The following PRAMEF15 variants were observed in gnomAD, a reference collection of about 807,000 sequenced individuals.
The protein encoded by PRAMEF15 is PRAME family member 15.
In PRAMEF15, 21 loss-of-function variants were observed where a neutral mutation model predicts 35.3. That is an observed-to-expected ratio of 0.59 (90% CI 0.42 to 0.86). PRAMEF15 has a LOEUF of 0.86. Ranked by LOEUF, PRAMEF15 falls within the 40% of genes least tolerant of loss-of-function variation. The pLI, the probability that PRAMEF15 is intolerant of heterozygous loss-of-function variation, is 0.00. For synonymous variants in PRAMEF15, 122 were observed against 223.3 expected, an observed-to-expected ratio of 0.55 and a Z score of 4.05; for missense variants, 360 against 574.1, an observed-to-expected ratio of 0.63 and a Z score of 3.81.
At chr1:13,317,427 A>G (rs1640020269) in intron 1 of PRAMEF15, among the ~76,000 whole-genome samples, 1 of 152,026 alleles carries the variant, frequency 6.6e-6, no homozygotes, top group African/African-American at 2.4e-5. Flanking sequence ...CTATCTTGCG[A>G]ATGATGCATA....
intron 1 of PRAMEF15, among the ~76,000 whole-genome samples, chr1:13,317,319 C>A (rs1464097439): frequency 3.2e-4 from 48 of 151,954 alleles, no homozygotes; most frequent in African/African-American, 1.1e-3. Flanking sequence ...ATCCACCTGC[C>A]TCGGCCTCAC....
chr1:13,320,632 C>A (rs1387759608), intron 3 of PRAMEF15, among the ~76,000 whole-genome samples: 3 of 151,972 alleles, frequency 2.0e-5, no homozygotes, highest in African/African-American at 7.3e-5. Context: ...CCATGTTGGC[C>A]AGGTTATTCT....
rs1313441416 is a variant in PRAMEF15 at position 13,322,428 on chromosome 1, G to C, written c.*164G>C. ...CTGATCAAGCAGGGGCCGGACTTGGGGGAAATGTTGCCATGGATTCGATGG... is the reference window on the plus strand; with the variant it reads ...CTGATCAAGCAGGGGCCGGACTTGGCGGAAATGTTGCCATGGATTCGATGG... On this transcript the variant is annotated 3_prime_UTR_variant, in exon 4 of 4. Coordinates refer to ENST00000376152, the MANE Select transcript of PRAMEF15 (RefSeq NM_001098376.3). 6 of 720,420 alleles carry C rather than the reference G, an allele frequency of 8.3e-6. No individual in the cohort carries two copies. Among genetic ancestry groups the C allele is most frequent in the Non-Finnish European group, 1.4e-5 (6 of 442,694 alleles). The allele number at this position is 720,420 out of a possible 1,614,324, so 44.6% of individuals were successfully genotyped here. A position where few individuals can be genotyped will look rare whatever the true frequency, so the allele number is the denominator to read the frequency against.
chr1:13,318,426 A>C lies in PRAMEF15; in HGVS notation c.19A>C (p.Thr7Pro). The C allele has an allele frequency of 6.2e-7, 1 of 1,612,940 alleles. No individual in the cohort carries two copies. The highest frequency in any genetic ancestry group is 8.5e-7 in the Non-Finnish European group (1 of 1,179,900). MKMSIR[T>P]PPRLLELAGR... is the part of the protein sequence containing the mutation. Reference sequence around the variant, plus strand: ...CAGATTCATGAAGATGAGCATCCGGACTCCACCCAGACTCCTGGAGCTTGC... The same window carrying C: ...CAGATTCATGAAGATGAGCATCCGGCCTCCACCCAGACTCCTGGAGCTTGC... The change falls in exon 2 of 4, where the codon ACT (threonine) becomes CCT (proline). Residue 7 changes from threonine to proline, a missense_variant. Thr to Pro is a conservative substitution (Grantham distance 38). This residue lies in a region of PRAMEF15 where 31 missense variants were observed against 46.4 expected (regional missense o/e 0.67). Transcript: ENST00000376152.
Position 13,321,896 on chromosome 1 carries a change from C to A in PRAMEF15, c.1069C>A (p.Leu357Met). ...AAAAGTTGCAGCCACCCTTGAGTACCTGGATTTAGATGACTGTGGCATCAT... is the reference window on the plus strand; with the variant it reads ...AAAAGTTGCAGCCACCCTTGAGTACATGGATTTAGATGACTGTGGCATCAT... ...LEKVAATLEY[L>M]DLDDCGIIDS... is the part of the protein sequence containing the mutation. The change falls in exon 4 of 4, where the codon CTG becomes ATG. Residue 357 changes from leucine to methionine, a missense_variant. Leu to Met is a conservative substitution (Grantham distance 15). This residue lies in a region of PRAMEF15 where 72 missense variants were observed against 79.9 expected (regional missense o/e 0.90). Coordinates refer to ENST00000376152, the MANE Select transcript of PRAMEF15 (RefSeq NM_001098376.3). 6.2e-7 allele frequency: 1 copy of A among 1,611,418 alleles called. No homozygotes were observed. The highest frequency in any genetic ancestry group is 1.1e-5 in the South Asian group (1 of 90,882).
At chr1:13,321,381 A>C (rs1411195984) in intron 3 of PRAMEF15, among the ~76,000 whole-genome samples, 123,445 of 150,886 alleles carry the variant, frequency 0.82, 50,832 homozygotes, top group Non-Finnish European at 0.85. Context: ...CACCTGGCTA[A>C]TTTTTGGATT....
At chr1:13,320,021 A>G (rs1640061938) in intron 3 of PRAMEF15, 68 bp downstream of exon 3, 1 of 1,606,636 alleles carries the variant, frequency 6.2e-7, no homozygotes, top group African/African-American at 1.3e-5. Context: ...ACTAGTGGGC[A>G]TCTACTGTGA....
chr1:13,321,019 C>G (rs1442213449), intron 3 of PRAMEF15, among the ~76,000 whole-genome samples: 5,554 of 149,300 alleles, frequency 0.037, no homozygotes, highest in East Asian at 0.19. Flanking sequence ...ATGCCTACAG[C>G]CCGCCCACCC....
Position 13,320,033 on chromosome 1 carries a change from C to T in PRAMEF15, c.875+80C>T. 3.1e-6 allele frequency: 5 copies of T among 1,604,530 alleles called. No homozygotes were observed. The South Asian group carries it at 5.5e-5, about 18-fold the overall frequency. ...AACACTAGTGGGCATCTACTGTGAGCCAGCCTATGAGGATGAAACAGTGAA... is the reference window on the plus strand; with the variant it reads ...AACACTAGTGGGCATCTACTGTGAGTCAGCCTATGAGGATGAAACAGTGAA... On this transcript the variant is annotated intron_variant, in intron 3 of 3. Transcript: ENST00000376152.
chr1:13,316,000 A>G (rs1639997681), intron 1 of PRAMEF15, among the ~76,000 whole-genome samples: 1 of 150,584 alleles, frequency 6.6e-6, no homozygotes, highest in Non-Finnish European at 1.5e-5. Context: ...CCTCTGCACA[A>G]CGTTTTTTTT....
intron 1 of PRAMEF15, 29 bp downstream of exon 1, chr1:13,315,687 C>T (rs1296929879): frequency 2.0e-5 from 3 of 151,468 alleles, no homozygotes; most frequent in Non-Finnish European, 4.4e-5. Context: ...TAAGGACACT[C>T]CCATCTGACC....
chr1:13,321,344 A>G (rs1463947958), intron 3 of PRAMEF15, among the ~76,000 whole-genome samples: 2,429 of 150,798 alleles, frequency 0.016, 63 homozygotes, highest in African/African-American at 0.056. Flanking sequence ...CTTCCCAAGT[A>G]GCTGGAATTG....
In PRAMEF15 at chr1:13,317,469, T is replaced by A. The variant is rs1300112315; in HGVS notation, c.-16-923T>A. On this transcript the variant is annotated intron_variant, in intron 1 of 3. Transcript: ENST00000376152. ...TCACATAGCTTTCAAAGCTTCTCAC[T>A]GAAATTTTCAATAATGAGGCTGGGG... Among the ~76,000 whole-genome samples the A allele has an allele frequency of 3.3e-5, 5 of 151,990 alleles. No homozygotes were observed. In the South Asian group the frequency reaches 6.2e-4, roughly 19 times the overall value.
Position 13,320,387 on chromosome 1 carries a change from C to T in PRAMEF15, c.875+434C>T, listed in dbSNP as rs1479890510. Among the ~76,000 whole-genome samples the T allele has an allele frequency of 2.4e-4, 36 of 152,094 alleles. No homozygotes were observed. The East Asian group carries it at 4.5e-3, about 19-fold the overall frequency. On this transcript the variant is annotated intron_variant, in intron 3 of 3. Coordinates refer to ENST00000376152, the MANE Select transcript of PRAMEF15 (RefSeq NM_001098376.3). ...CAGTCTGGGTAACATACCAAGACCCCTGTCAGAAATGAATAAATAAAAGTA... is the reference window on the plus strand; with the variant it reads ...CAGTCTGGGTAACATACCAAGACCCTTGTCAGAAATGAATAAATAAAAGTA...
chr1:13,317,723 C>T (rs1185093423), intron 1 of PRAMEF15, among the ~76,000 whole-genome samples: 1 of 151,412 alleles, frequency 6.6e-6, no homozygotes, highest in South Asian at 2.1e-4. Context: ...CTGCACTGAG[C>T]TGAGATCCCA....
intron 2 of PRAMEF15, among the ~76,000 whole-genome samples, chr1:13,319,032 A>G (rs1479467899): frequency 1.3e-5 from 2 of 151,934 alleles, no homozygotes; most frequent in Non-Finnish European, 2.9e-5. Flanking sequence ...CAACTCTACT[A>G]CAAATACAAA....
At chr1:13,316,167 C>G (rs1223895479) in intron 1 of PRAMEF15, among the ~76,000 whole-genome samples, 1 of 151,614 alleles carries the variant, frequency 6.6e-6, no homozygotes, top group Non-Finnish European at 1.5e-5. Context: ...CCATGCCTGG[C>G]TAAGTTTTGT....
chr1:13,320,975 T>C (rs1398996181), intron 3 of PRAMEF15, among the ~76,000 whole-genome samples: 2 of 151,990 alleles, frequency 1.3e-5, no homozygotes, highest in Non-Finnish European at 2.9e-5. Context: ...GTGAAAGTGA[T>C]AGATGGTTTG....
In PRAMEF15 at chr1:13,318,705, G is replaced by A; in HGVS notation, c.293+5G>A. 2 of 1,613,484 alleles carry A rather than the reference G, an allele frequency of 1.2e-6. No homozygotes were observed. The highest frequency in any genetic ancestry group is 2.2e-5 in the East Asian group (1 of 44,876). The stretch of plus-strand genomic sequence containing the variant: ...TACCCAAGGGGTTCGTCCCAGGTGA[G>A]GTGGCCCAGGTGGGCTGGTGGGGAG... On this transcript the variant is annotated splice_donor_5th_base_variant and intron_variant, in intron 2 of 3. Coordinates refer to ENST00000376152, the MANE Select transcript of PRAMEF15 (RefSeq NM_001098376.3).
Sources: allele counts gnomAD v4.1 joint callset (sites outside exome capture counted in the v4.1 genomes callset), GRCh38; gene constraint gnomAD v4.1.1; regional missense constraint gnomAD v4.1.1; transcripts MANE v1.5; gene names NCBI Gene and HGNC (gene_info 2026-07-23, HGNC 2026-07-21).